GLDN: variants seen among roughly 807,000 people sequenced by gnomAD.
The protein encoded by GLDN is gliomedin.
In GLDN, 47 loss-of-function variants were observed where a neutral mutation model predicts 56.5. The observed-to-expected ratio is 0.83, with a 90% CI of 0.66 to 1.06. GLDN has a LOEUF of 1.06. Among genes scored for constraint, GLDN ranks in the 50% least tolerant of loss-of-function variants. The pLI is 0.00. For synonymous variants in GLDN, 332 were observed against 278.8 expected, an observed-to-expected ratio of 1.19 and a Z score of -1.90; for missense variants, 782 against 714.3, an observed-to-expected ratio of 1.09 and a Z score of -1.08.
At chr15:51,367,976 C>T (rs1463149584) in intron 1 of GLDN, among the ~76,000 whole-genome samples, 1 of 152,146 alleles carries the variant, frequency 6.6e-6, no homozygotes, top group Non-Finnish European at 1.5e-5. Context: ...TCTCCAAGGT[C>T]CTGTTTTCTA....
intron 1 of GLDN, among the ~76,000 whole-genome samples, chr15:51,347,930 A>G (rs1182446487): frequency 6.6e-6 from 1 of 152,242 alleles, no homozygotes; most frequent in East Asian, 1.9e-4. Context: ...TGAACAAAGC[A>G]AGGCAGAGAA....
chr15:51,412,329 C>G (rs370033677), downstream of GLDN, among the ~76,000 whole-genome samples: 10 of 152,302 alleles, frequency 6.6e-5, no homozygotes, highest in East Asian at 1.2e-3. Context: ...TCTGACCTTT[C>G]TATTGTAGTG....
chr15:51,361,865 A>C (rs2037306837), intron 1 of GLDN, among the ~76,000 whole-genome samples: 1 of 152,194 alleles, frequency 6.6e-6, no homozygotes, highest in Non-Finnish European at 1.5e-5. Context: ...CAGGAGGCAG[A>C]GGTTGCAGTG....
Position 51,400,479 on chromosome 15 carries a change from G to A in GLDN, c.1008G>A (p.Trp336Ter), listed in dbSNP as rs373570825. Residue 336 changes from tryptophan (W) to a stop codon, truncating the protein, a stop_gained, in exon 8 of 10, where the codon TGG (tryptophan) becomes TGA (stop). Coordinates refer to ENST00000335449, the MANE Select transcript of GLDN (RefSeq NM_181789.4). LOFTEE classifies it high-confidence loss of function. ...ESANKSDDRI[W>*]VTEHFSGIMV... ...CTAACAAGAGTGATGACCGGATTTGGGTGACAGAGCATTTTTCAGGTACTT... is the reference window on the plus strand; with the variant it reads ...CTAACAAGAGTGATGACCGGATTTGAGTGACAGAGCATTTTTCAGGTACTT... 3 of 1,613,986 alleles carry A rather than the reference G, an allele frequency of 1.9e-6. No homozygotes were observed. The highest frequency in any genetic ancestry group is 1.6e-4 in the Middle Eastern group (1 of 6,084).
intron 4 of GLDN, among the ~76,000 whole-genome samples, chr15:51,387,658 T>G (rs549453563): frequency 7.2e-5 from 11 of 152,204 alleles, no homozygotes; most frequent in Non-Finnish European, 1.6e-4. Flanking sequence ...AGTTAAAGGA[T>G]CATTCGTGGT....
At chr15:51,376,109 T>C (rs2037625608) in intron 1 of GLDN, among the ~76,000 whole-genome samples, 1 of 152,244 alleles carries the variant, frequency 6.6e-6, no homozygotes, top group Admixed American at 6.5e-5. Context: ...TCATATGTCA[T>C]GTAACCACAT....
intron 1 of GLDN, among the ~76,000 whole-genome samples, chr15:51,373,126 G>A (rs1442822318): frequency 6.6e-6 from 1 of 152,150 alleles, no homozygotes; most frequent in Non-Finnish European, 1.5e-5. Flanking sequence ...TAGTACAGGA[G>A]ATGCAGACAA....
At position 51,407,230 on chromosome 15, in the gene GLDN, C is replaced by A. The variant is rs746984946; in HGVS notation, c.*2476C>A. ...ACTGAGTTTGATCAGTGTTTAATCGCAGTGGGTAATCTTATCTGATTGTCT... is the reference window on the plus strand; with the variant it reads ...ACTGAGTTTGATCAGTGTTTAATCGAAGTGGGTAATCTTATCTGATTGTCT... On this transcript the variant is annotated 3_prime_UTR_variant, in exon 10 of 10. Coordinates refer to ENST00000335449, the MANE Select transcript of GLDN (RefSeq NM_181789.4). 1 of 151,932 alleles carries A rather than the reference C, an allele frequency of 6.6e-6. No homozygotes were observed. The highest frequency in any genetic ancestry group is 1.5e-5 in the Non-Finnish European group (1 of 68,006). 9.4% of individuals were successfully genotyped at this position (151,932 alleles called of 1,614,324 possible). A position where few individuals can be genotyped will look rare whatever the true frequency, so the allele number is the denominator to read the frequency against.
chr15:51,397,606 C>A lies in GLDN; in HGVS notation c.817+8C>A. 6.3e-6 allele frequency: 10 copies of A among 1,577,226 alleles called. No individual in the cohort carries two copies. The highest frequency in any genetic ancestry group is 8.6e-6 in the Non-Finnish European group (10 of 1,160,012). ...TCAACGGCCAGTGCCCAGGTCACCA[C>A]CTCTCCCCTACGGGGCCCACCTCTT... On this transcript the variant is annotated splice_region_variant and intron_variant, in intron 6 of 9. Transcript: ENST00000335449.
chr15:51,349,230 A>T (rs575172534), intron 1 of GLDN, among the ~76,000 whole-genome samples: 11 of 152,374 alleles, frequency 7.2e-5, no homozygotes, highest in African/African-American at 2.6e-4. Flanking sequence ...GAGAAAAAAA[A>T]TCACATTACC....
At chr15:51,364,056 T>C (rs866104525) in intron 1 of GLDN, among the ~76,000 whole-genome samples, 14 of 152,314 alleles carry the variant, frequency 9.2e-5, no homozygotes, top group Non-Finnish European at 4.4e-5. Flanking sequence ...CAGTTGTATG[T>C]CATTTTCTTC....
downstream of GLDN, among the ~76,000 whole-genome samples, chr15:51,408,852 G>A (rs558320328): frequency 2.0e-5 from 3 of 152,052 alleles, no homozygotes; most frequent in East Asian, 1.9e-4. Context: ...CCCTACAAAG[G>A]ACATGAACTC....
At chr15:51,363,776 T>C (rs2037349509) in intron 1 of GLDN, among the ~76,000 whole-genome samples, 1 of 152,230 alleles carries the variant, frequency 6.6e-6, no homozygotes, top group Non-Finnish European at 1.5e-5. Flanking sequence ...GAGCAGGTGG[T>C]TCATTTTAGC....
At chr15:51,369,696 A>G (rs948572888) in intron 1 of GLDN, among the ~76,000 whole-genome samples, 1 of 152,240 alleles carries the variant, frequency 6.6e-6, no homozygotes, top group Non-Finnish European at 1.5e-5. Flanking sequence ...TTACCTACAC[A>G]CAGAAATTGG....
intron 1 of GLDN, among the ~76,000 whole-genome samples, chr15:51,346,089 T>G (rs796703119): frequency 1.9e-4 from 29 of 152,310 alleles, no homozygotes; most frequent in African/African-American, 7.0e-4. Context: ...TGTTTTTGGA[T>G]AGAAAACTTA....
chr15:51,401,530 C>A, intron 8 of GLDN, 63 bp from the exon 9 acceptor site: 1 of 1,485,644 alleles, frequency 6.7e-7, no homozygotes, highest in Non-Finnish European at 9.2e-7. Context: ...CTCCCAAGGA[C>A]TCCCTCCCAA....
At chr15:51,345,966 A>C (rs12595133) in intron 1 of GLDN, among the ~76,000 whole-genome samples, 23,660 of 152,202 alleles carry the variant, frequency 0.16, 2,030 homozygotes, top group South Asian at 0.26. Context: ...AATGGAAGAA[A>C]AGATGTGCAA....
At chr15:51,355,716 G>T (rs1279763624) in intron 1 of GLDN, among the ~76,000 whole-genome samples, 1 of 149,194 alleles carries the variant, frequency 6.7e-6, no homozygotes. Context: ...GTAGAGACGG[G>T]GTTTCACCGT....
chr15:51,402,850 C>T (rs528228693), intron 9 of GLDN, among the ~76,000 whole-genome samples: 87 of 152,290 alleles, frequency 5.7e-4, no homozygotes, highest in African/African-American at 2.0e-3. Context: ...ATGACACCCC[C>T]ATCATCATCT....
Sources: gnomAD v4.1 joint callset for allele counts (sites outside exome capture counted in the v4.1 genomes callset) on GRCh38, gnomAD v4.1.1 for gene constraint, MANE v1.5 for transcripts, NCBI Gene and HGNC (gene_info 2026-07-23, HGNC 2026-07-21) for gene names.